Variants in RNF212B observed in about 807,000 individuals in gnomAD.
RNF212B encodes the protein E3 ubiquitin-protein ligase RNF212B.
Under a neutral mutation model 55.5 loss-of-function variants are expected in RNF212B, and 52 were observed. The observed-to-expected ratio is 0.94, with a 90% CI of 0.75 to 1.18. The LOEUF (loss-of-function observed/expected upper bound fraction) is 1.18. Among genes scored for constraint, RNF212B ranks in the 50% most tolerant of loss-of-function variants. RNF212B has a pLI of 0.00. For synonymous variants in RNF212B, 99 were observed against 121.4 expected, an observed-to-expected ratio of 0.82 and a Z score of 1.21; for missense variants, 289 against 350.4, an observed-to-expected ratio of 0.82 and a Z score of 1.40.
chr14:23,273,114 T>G lies in RNF212B; in HGVS notation c.*223T>G. ...TGCTTCAGGAAGATGTTTATATCTC[T>G]TCCAGAAGACACTGGTAGCTCCCCT... On this transcript the variant is annotated 3_prime_UTR_variant, in exon 15 of 15. Coordinates refer to ENST00000430154, the MANE Select transcript of RNF212B (RefSeq NM_001282322.3). 4.0e-5 allele frequency: 15 copies of G among 375,988 alleles called. No individual in the cohort carries two copies. The highest frequency in any genetic ancestry group is 4.8e-5 in the Non-Finnish European group (10 of 209,866). 23.3% of individuals were successfully genotyped at this position (375,988 alleles called of 1,614,324 possible). A position where few individuals can be genotyped will look rare whatever the true frequency, so the allele number is the denominator to read the frequency against.
rs989222717 is a variant in RNF212B at position 23,240,213 on chromosome 14, A to G, written c.-1-132A>G. On this transcript the variant is annotated intron_variant, in intron 1 of 14. Coordinates refer to ENST00000430154, the MANE Select transcript of RNF212B (RefSeq NM_001282322.3). ...CATATACTTCTTTACAACCAATTGG[A>G]ATACCCACAATGATATGCCACATCC... 4 of 613,526 alleles carry G rather than the reference A, an allele frequency of 6.5e-6. No homozygotes were observed. The African/African-American group carries it at 7.4e-5, about 11-fold the overall frequency. 38.0% of individuals were successfully genotyped at this position (613,526 alleles called of 1,614,324 possible). A position where few individuals can be genotyped will look rare whatever the true frequency, so the allele number is the denominator to read the frequency against.
intron 2 of RNF212B, among the ~76,000 whole-genome samples, chr14:23,232,735 G>T (rs192573692): frequency 0.01 from 1,543 of 148,462 alleles, 26 homozygotes; most frequent in African/African-American, 0.037. Flanking sequence ...CGGGAGGGAG[G>T]TGGGGGGGTC....
At chr14:23,239,727 T>G (rs1883417416) in intron 1 of RNF212B, among the ~76,000 whole-genome samples, 1 of 152,152 alleles carries the variant, frequency 6.6e-6, no homozygotes, top group Admixed American at 6.6e-5. Context: ...CAAGTGATTC[T>G]CCTGCCTCAG....
intron 2 of RNF212B, among the ~76,000 whole-genome samples, chr14:23,208,746 T>C (rs1243936472): frequency 1.5e-5 from 2 of 137,794 alleles, no homozygotes; most frequent in African/African-American, 2.7e-5. Context: ...TCCCAAGGGC[T>C]GCTGGTTGCC....
At chr14:23,247,443 T>C (rs1240875851) in intron 4 of RNF212B, among the ~76,000 whole-genome samples, 1 of 136,788 alleles carries the variant, frequency 7.3e-6, no homozygotes, top group African/African-American at 2.7e-5. Context: ...AGGCGATCAC[T>C]AATTTACTTT....
intron 2 of RNF212B, among the ~76,000 whole-genome samples, chr14:23,203,988 T>C (rs1052575067): frequency 6.6e-6 from 1 of 152,278 alleles, no homozygotes; most frequent in African/African-American, 2.4e-5. Flanking sequence ...CTAGTGATGC[T>C]GAGCATACGT....
chr14:23,211,808 T>C (rs925770586), intron 2 of RNF212B, among the ~76,000 whole-genome samples: 12 of 152,178 alleles, frequency 7.9e-5, no homozygotes, highest in Non-Finnish European at 1.8e-4. Flanking sequence ...CTGAAACCTC[T>C]GCCTCCAGGA....
At chr14:23,228,645 T>TAAAAAAAC (rs199917772) in intron 2 of RNF212B, among the ~76,000 whole-genome samples, 2,690 of 150,754 alleles carry the variant, frequency 0.018, 86 homozygotes, top group African/African-American at 0.063. Flanking sequence ...CAAGACTCTC[T>TAAAAAAAC]AAAAAAACAA....
In RNF212B at chr14:23,238,780, A is replaced by AATCATCATCATC. The variant is rs780687973; in HGVS notation, c.-2+728_-2+729insATCATCATCATC. Among the ~76,000 whole-genome samples, 1,198 of 145,662 alleles carry AATCATCATCATC rather than the reference A, an allele frequency of 8.2e-3. 8 individuals are homozygous for AATCATCATCATC. Among genetic ancestry groups the AATCATCATCATC allele is most frequent in the Non-Finnish European group, 0.013 (875 of 66,160 alleles). ...TAATAATAATAATAATAATAATAAT[A>AATCATCATCATC]ATCCCACAAAGAAACCTTACAAAGT... On this transcript the variant is annotated intron_variant, in intron 1 of 14. Coordinates refer to ENST00000430154, the MANE Select transcript of RNF212B (RefSeq NM_001282322.3).
chr14:23,248,639 A>G, intron 4 of RNF212B, among the ~76,000 whole-genome samples: 1 of 148,944 alleles, frequency 6.7e-6, no homozygotes, highest in Non-Finnish European at 1.5e-5. Flanking sequence ...ATGGGGTTTC[A>G]CCGTGTTGGT....
At chr14:23,238,844 G>T (rs545468949) in intron 1 of RNF212B, among the ~76,000 whole-genome samples, 1 of 151,712 alleles carries the variant, frequency 6.6e-6, no homozygotes, top group Non-Finnish European at 1.5e-5. Context: ...TATGAAATTG[G>T]TATTGGCAGA....
chr14:23,268,856 C>G (rs1256437747), intron 11 of RNF212B, 68 bp from the exon 12 acceptor site: 1 of 1,340,550 alleles, frequency 7.5e-7, no homozygotes, highest in Non-Finnish European at 1.0e-6. Context: ...TTGCCCTGGC[C>G]CCAAGTATAC....
In RNF212B at chr14:23,256,369, C is replaced by T. The variant is rs145110717; in HGVS notation, c.229-2180C>T. Among the ~76,000 whole-genome samples the T allele has an allele frequency of 6.6e-4, 86 of 129,690 alleles. 1 individual carries two copies. The East Asian group carries it at 0.016, about 24-fold the overall frequency. 85.1% of individuals were successfully genotyped at this position (129,690 alleles called of 152,430 possible). A position where few individuals can be genotyped will look rare whatever the true frequency, so the allele number is the denominator to read the frequency against. On this transcript the variant is annotated intron_variant, in intron 4 of 14. Coordinates refer to ENST00000430154, the MANE Select transcript of RNF212B (RefSeq NM_001282322.3). The stretch of plus-strand genomic sequence containing the variant: ...GAGTGACTTTTATTCTGCTTCTCCA[C>T]TGTTTAATTTTTTTTTTTTTGAGAT...
chr14:23,213,936 C>T (rs1050493838), intron 2 of RNF212B, among the ~76,000 whole-genome samples: 1 of 152,094 alleles, frequency 6.6e-6, no homozygotes, highest in African/African-American at 2.4e-5. Flanking sequence ...TAGATGTTAG[C>T]CTTATCTAAC....
intron 2 of RNF212B, among the ~76,000 whole-genome samples, chr14:23,213,123 T>C (rs1447188589): frequency 6.6e-6 from 1 of 151,936 alleles, no homozygotes; most frequent in South Asian, 2.1e-4. Context: ...CCATCCTGGC[T>C]AACACAGTGA....
At chr14:23,270,879 A>G (rs1475857154) in intron 14 of RNF212B, among the ~76,000 whole-genome samples, 3 of 152,156 alleles carry the variant, frequency 2.0e-5, no homozygotes, top group Non-Finnish European at 4.4e-5. Flanking sequence ...ATGAGGTCAC[A>G]TGGTAGTGGG....
intron 2 of RNF212B, among the ~76,000 whole-genome samples, chr14:23,199,443 T>C (rs1167198570): frequency 2.6e-5 from 4 of 152,204 alleles, no homozygotes; most frequent in Non-Finnish European, 4.4e-5. Context: ...GGGAGGCAGC[T>C]TTGCCCTAAG....
chr14:23,213,991 G>C (rs138919960), intron 2 of RNF212B, among the ~76,000 whole-genome samples: 26 of 152,160 alleles, frequency 1.7e-4, no homozygotes, highest in African/African-American at 5.8e-4. Flanking sequence ...CAATGAATTG[G>C]GTGTACCTGT....
At chr14:23,270,198 G>T (rs1885974784) in intron 13 of RNF212B, among the ~76,000 whole-genome samples, 1 of 152,170 alleles carries the variant, frequency 6.6e-6, no homozygotes, top group African/African-American at 2.4e-5. Flanking sequence ...TAGCCAGAAG[G>T]TTGGCCTATA....
Sources: allele counts gnomAD v4.1 joint callset (sites outside exome capture counted in the v4.1 genomes callset), GRCh38; gene constraint gnomAD v4.1.1; transcripts MANE v1.5; gene names NCBI Gene and HGNC (gene_info 2026-07-23, HGNC 2026-07-21).